Variants in PARD3 observed in about 807,000 individuals in gnomAD.
The protein encoded by PARD3 is par-3 family cell polarity regulator.
In PARD3, 75 loss-of-function variants were observed where a neutral mutation model predicts 155.4. The observed-to-expected ratio is 0.48, with a 90% CI of 0.40 to 0.58. The LOEUF is 0.58. PARD3 is among the 20% of genes least tolerant of loss of function. The probability of loss-of-function intolerance (pLI) is 0.00; values close to 1 mark genes in which losing one functional copy is unlikely to be tolerated. For missense variants in PARD3, 1,642 were observed against 1,721.7 expected (o/e 0.95, Z 0.82); for synonymous variants, 576 against 610.5 (o/e 0.94, Z 0.83).
intron 2 of PARD3, among the ~76,000 whole-genome samples, chr10:34,536,119 G>A (rs2083209427): frequency 1.3e-5 from 2 of 152,038 alleles, no homozygotes; most frequent in Non-Finnish European, 2.9e-5. Context: ...GAAAGACTTT[G>A]GTGTCTCTCC....
At chr10:34,129,351 T>A (rs950116159) in intron 23 of PARD3, among the ~76,000 whole-genome samples, 1 of 151,866 alleles carries the variant, frequency 6.6e-6, no homozygotes, top group Non-Finnish European at 1.5e-5. Context: ...TGGGGTTTCA[T>A]CATGTTGTCC....
chr10:34,797,039 A>G (rs1842339596), intron 1 of PARD3, among the ~76,000 whole-genome samples: 1 of 152,204 alleles, frequency 6.6e-6, no homozygotes, highest in Non-Finnish European at 1.5e-5. Flanking sequence ...AAATTGTCAG[A>G]CCCATGGTTA....
chr10:34,676,749 C>A (rs2093715471), intron 2 of PARD3, among the ~76,000 whole-genome samples: 1 of 152,304 alleles, frequency 6.6e-6, no homozygotes. Context: ...AATGACAATA[C>A]AAGGCACTCA....
chr10:34,196,547 A>G (rs1334424978), intron 22 of PARD3, among the ~76,000 whole-genome samples: 2 of 150,624 alleles, frequency 1.3e-5, no homozygotes, highest in Middle Eastern at 3.2e-3. Flanking sequence ...CTTTTGAGTT[A>G]CAAATACTTT....
Position 34,288,545 on chromosome 10 carries a change from C to A in PARD3, c.3066-4300G>T, listed in dbSNP as rs75665509. Among the ~76,000 whole-genome samples, 1,196 of 152,234 alleles carry A rather than the reference C, an allele frequency of 7.9e-3. 22 individuals are homozygous for A. Among genetic ancestry groups the A allele is most frequent in the African/African-American group, 0.027 (1,139 of 41,540 alleles). On this transcript the variant is annotated intron_variant, in intron 20 of 24. Transcript: ENST00000374788. ...CTTCCTAATTTATAGTTGCTTAATTCCTGAAAAGGGGAGGGAGTCATTGAA... is the reference window on the plus strand; with the variant it reads ...CTTCCTAATTTATAGTTGCTTAATTACTGAAAAGGGGAGGGAGTCATTGAA...
intron 1 of PARD3, among the ~76,000 whole-genome samples, chr10:34,784,050 A>T (rs943466672): frequency 2.6e-5 from 4 of 151,960 alleles, no homozygotes; most frequent in Non-Finnish European, 5.9e-5. Context: ...TCTACAAAAA[A>T]CTTCTTAAAA....
At chr10:34,223,600 T>C (rs1952430833) in intron 22 of PARD3, among the ~76,000 whole-genome samples, 1 of 152,144 alleles carries the variant, frequency 6.6e-6, no homozygotes, top group African/African-American at 2.4e-5. Context: ...ACAAGAACTC[T>C]AAAGGATAAA....
chr10:34,145,767 GT>G (rs1439433668), intron 22 of PARD3, among the ~76,000 whole-genome samples: 1 of 152,002 alleles, frequency 6.6e-6, no homozygotes, highest in African/African-American at 2.4e-5. Flanking sequence ...AACAAACGTT[GT>G]TTGTTTTGGA....
intron 23 of PARD3, 36 bp from the exon 24 acceptor site, chr10:34,119,776 A>G (rs1564407865): frequency 3.8e-6 from 6 of 1,599,804 alleles, no homozygotes; most frequent in Middle Eastern, 1.7e-4. Flanking sequence ...CGTTAACCAG[A>G]AAGTTCTGTA....
intron 22 of PARD3, among the ~76,000 whole-genome samples, chr10:34,151,617 C>G (rs986679438): frequency 1.3e-5 from 2 of 152,110 alleles, no homozygotes; most frequent in African/African-American, 2.4e-5. Flanking sequence ...GTTCACATCT[C>G]GCCAAGTCAT....
chr10:34,405,274 A>G (rs11009772), intron 5 of PARD3, among the ~76,000 whole-genome samples: 6,193 of 152,208 alleles, frequency 0.041, 402 homozygotes, highest in African/African-American at 0.14. Context: ...TACAGAAAAC[A>G]AACCTCGATA....
chr10:34,522,542 G>C (rs151018973), intron 2 of PARD3, among the ~76,000 whole-genome samples: 1 of 152,052 alleles, frequency 6.6e-6, no homozygotes, highest in Non-Finnish European at 1.5e-5. Context: ...ATATTGTGAT[G>C]GATGATAAAT....
intron 3 of PARD3, among the ~76,000 whole-genome samples, chr10:34,501,151 T>C (rs965148792): frequency 1.3e-5 from 2 of 152,160 alleles, no homozygotes; most frequent in Non-Finnish European, 2.9e-5. Flanking sequence ...GCTTGGATAC[T>C]TGCCCCCTGC....
chr10:34,780,056 C>A (rs986844187), intron 1 of PARD3, among the ~76,000 whole-genome samples: 1 of 152,180 alleles, frequency 6.6e-6, no homozygotes, highest in Non-Finnish European at 1.5e-5. Context: ...TCTTCTTTCC[C>A]CGGAAGATGC....
chr10:34,681,730 T>TATATATATATATA (rs2093826746), intron 2 of PARD3, among the ~76,000 whole-genome samples: 2 of 29,976 alleles, frequency 6.7e-5, no homozygotes, highest in African/African-American at 2.1e-4. Flanking sequence ...CGTATGTATT[T>TATATATATATATA]TATATATATA....
chr10:34,140,235 C>T (rs1026336715), intron 22 of PARD3, among the ~76,000 whole-genome samples: 1 of 151,880 alleles, frequency 6.6e-6, no homozygotes, highest in Non-Finnish European at 1.5e-5. Context: ...AGGTTCCTGC[C>T]CCTTGAAGTG....
At chr10:34,718,166 A>G (rs1047036753) in intron 1 of PARD3, among the ~76,000 whole-genome samples, 2 of 151,936 alleles carry the variant, frequency 1.3e-5, no homozygotes. Context: ...AAAAAAAAAA[A>G]AAATCAATTT....
At chr10:34,157,125 A>G (rs1588961837) in intron 22 of PARD3, among the ~76,000 whole-genome samples, 1 of 152,026 alleles carries the variant, frequency 6.6e-6, no homozygotes, top group African/African-American at 2.4e-5. Context: ...ACAAAAGAAC[A>G]CGCGTTATCA....
At chr10:34,395,938 G>T (rs1272030325) in intron 7 of PARD3, among the ~76,000 whole-genome samples, 1 of 152,072 alleles carries the variant, frequency 6.6e-6, no homozygotes, top group African/African-American at 2.4e-5. Flanking sequence ...ATATCAGCAG[G>T]TAGTCAACTA....
Sources: gnomAD v4.1 joint callset for allele counts (sites outside exome capture counted in the v4.1 genomes callset) on GRCh38, gnomAD v4.1.1 for gene constraint, MANE v1.5 for transcripts, NCBI Gene and HGNC (gene_info 2026-07-23, HGNC 2026-07-21) for gene names.